KHDRBS2: variants seen among roughly 807,000 people sequenced by gnomAD.
KHDRBS2 encodes the protein KH domain-containing, RNA-binding, signal transduction-associated protein 2.
KHDRBS2 carries 26 observed loss-of-function variants against 44.3 expected under a neutral mutation model. That is an observed-to-expected ratio of 0.59 (90% CI 0.43 to 0.81). KHDRBS2 has a LOEUF of 0.81. KHDRBS2 is among the 40% of genes least tolerant of loss of function. The pLI, the probability that KHDRBS2 is intolerant of heterozygous loss-of-function variation, is 0.00. For missense variants in KHDRBS2, 476 were observed against 433.1 expected (o/e 1.10, Z -0.88); for synonymous variants, 194 against 151.1 (o/e 1.28, Z -2.08).
At chr6:62,098,244 G>GTTTTTTTTTTTTTTTTTTTTTTTT (rs35184806) in intron 2 of KHDRBS2, among the ~76,000 whole-genome samples, 2 of 127,848 alleles carry the variant, frequency 1.6e-5, no homozygotes, top group Non-Finnish European at 3.3e-5. Flanking sequence ...AGCTTCAAAC[G>GTTTTTTTTTTTTTTTTTTTTTTTT]TTTTTTTTTT....
Position 62,121,038 on chromosome 6 carries a change from G to A in KHDRBS2, c.219+56147C>T, listed in dbSNP as rs576965701. ...CTGTGGTCCTCCAGTTAAACCGGGG[G>A]CTTACAGAGGTCAGGTAATTAACGG... On this transcript the variant is annotated intron_variant, in intron 2 of 8. Transcript: ENST00000281156. 2.6e-5 allele frequency among the ~76,000 whole-genome samples: 4 copies of A among 152,250 alleles called. No individual in the cohort carries two copies. In the South Asian group the frequency reaches 8.3e-4, roughly 32 times the overall value.
intron 4 of KHDRBS2, among the ~76,000 whole-genome samples, chr6:61,907,596 C>A (rs1325346909): frequency 2.6e-5 from 4 of 152,088 alleles, no homozygotes; most frequent in Admixed American, 6.5e-5. Context: ...TGGTTAGAGA[C>A]AGGAGTCCAG....
chr6:61,822,213 G>A (rs1421833371), intron 6 of KHDRBS2, among the ~76,000 whole-genome samples: 3 of 151,940 alleles, frequency 2.0e-5, no homozygotes, highest in East Asian at 3.9e-4. Context: ...CTCCAAATCA[G>A]TCTATCGAAA....
At chr6:61,916,351 C>T (rs961360491) in intron 4 of KHDRBS2, among the ~76,000 whole-genome samples, 22 of 151,998 alleles carry the variant, frequency 1.4e-4, no homozygotes, top group African/African-American at 4.6e-4. Flanking sequence ...AGTTTTGGGA[C>T]TCCACCCAAA....
At chr6:61,550,764 A>ATTTTT in the KHDRBS2 span, among the ~76,000 whole-genome samples, 1 of 56,224 alleles carries the variant, frequency 1.8e-5, no homozygotes, top group Non-Finnish European at 3.2e-5. Flanking sequence ...TTGAGATGGT[A>ATTTTT]TCTTTTTTTT....
chr6:61,696,028 G>A (rs1767863098), intron 8 of KHDRBS2, among the ~76,000 whole-genome samples: 1 of 151,928 alleles, frequency 6.6e-6, no homozygotes, highest in Admixed American at 6.6e-5. Flanking sequence ...GGAGTGCAGT[G>A]GCTATTCGCA....
At chr6:61,740,939 G>A (rs1216183792) in intron 6 of KHDRBS2, among the ~76,000 whole-genome samples, 1 of 151,840 alleles carries the variant, frequency 6.6e-6, no homozygotes, top group Non-Finnish European at 1.5e-5. Context: ...ATTGTCCACT[G>A]AGAAGACAAA....
intron 1 of KHDRBS2, among the ~76,000 whole-genome samples, chr6:62,191,373 C>G (rs115363233): frequency 1.1e-3 from 171 of 152,208 alleles, no homozygotes; most frequent in African/African-American, 3.9e-3. Context: ...CTTCCTCTGA[C>G]CAGTGGAGAA....
At chr6:61,862,850 G>A (rs1208384515) in intron 6 of KHDRBS2, among the ~76,000 whole-genome samples, 1 of 152,096 alleles carries the variant, frequency 6.6e-6, no homozygotes, top group Non-Finnish European at 1.5e-5. Flanking sequence ...GGTTAGGGAG[G>A]AATCTCTCTT....
intron 6 of KHDRBS2, among the ~76,000 whole-genome samples, chr6:61,793,040 C>A (rs181890962): frequency 4.0e-5 from 6 of 151,894 alleles, no homozygotes; most frequent in Non-Finnish European, 8.8e-5. Context: ...TGATTAATAT[C>A]TTTAATTTTA....
chr6:61,545,858 A>G, the KHDRBS2 span, among the ~76,000 whole-genome samples: 1 of 152,094 alleles, frequency 6.6e-6, no homozygotes, highest in Non-Finnish European at 1.5e-5. Context: ...GAGTGCCTGC[A>G]CCAAGGAAAA....
intron 2 of KHDRBS2, among the ~76,000 whole-genome samples, chr6:62,111,348 C>G (rs1456033341): frequency 2.6e-5 from 4 of 152,034 alleles, no homozygotes; most frequent in African/African-American, 7.2e-5. Context: ...ACTAAATGAA[C>G]TGCACAGAAT....
chr6:61,845,876 C>T (rs1267971188), intron 6 of KHDRBS2, among the ~76,000 whole-genome samples: 3 of 152,156 alleles, frequency 2.0e-5, no homozygotes, highest in African/African-American at 7.2e-5. Flanking sequence ...ACCCAAATCT[C>T]ATCCTGAATG....
chr6:61,693,719 A>G (rs1001278245), intron 8 of KHDRBS2, among the ~76,000 whole-genome samples: 4 of 152,118 alleles, frequency 2.6e-5, no homozygotes, highest in African/African-American at 9.7e-5. Flanking sequence ...TTGGCCCAGA[A>G]TGAAATTTAG....
intron 2 of KHDRBS2, among the ~76,000 whole-genome samples, chr6:62,107,269 G>C (rs1167880241): frequency 6.6e-6 from 1 of 151,872 alleles, no homozygotes. Context: ...ATCAATGTAT[G>C]AAAATCACAA....
intron 6 of KHDRBS2, among the ~76,000 whole-genome samples, chr6:61,791,978 T>C (rs893022933): frequency 4.2e-4 from 63 of 151,490 alleles, no homozygotes; most frequent in African/African-American, 1.5e-3. Context: ...GGTCTGTGTG[T>C]TTCTTTCCTT....
intron 2 of KHDRBS2, among the ~76,000 whole-genome samples, chr6:62,110,214 T>C (rs1804679712): frequency 6.6e-6 from 1 of 152,088 alleles, no homozygotes; most frequent in Admixed American, 6.6e-5. Flanking sequence ...AGAACTTCCA[T>C]ACATTGTTGA....
At chr6:62,098,389 T>C (rs1486747986) in intron 2 of KHDRBS2, among the ~76,000 whole-genome samples, 2 of 152,140 alleles carry the variant, frequency 1.3e-5, no homozygotes, top group African/African-American at 4.8e-5. Context: ...TTCTGAAGGA[T>C]AACTTTGCTG....
the KHDRBS2 span, among the ~76,000 whole-genome samples, chr6:61,549,254 C>T: frequency 6.6e-6 from 1 of 152,164 alleles, no homozygotes; most frequent in Non-Finnish European, 1.5e-5. Context: ...TTGCATTAAA[C>T]AGTGGTATAA....
Sources: allele counts gnomAD v4.1 joint callset (sites outside exome capture counted in the v4.1 genomes callset), GRCh38; gene constraint gnomAD v4.1.1; transcripts MANE v1.5; gene names NCBI Gene and HGNC (gene_info 2026-07-23, HGNC 2026-07-21).